The following NMT1 variants were observed in gnomAD, a reference collection of about 807,000 sequenced individuals.
NMT1 encodes the protein N-myristoyltransferase 1.
NMT1 carries 12 observed loss-of-function variants against 63.4 expected under a neutral mutation model. The observed-to-expected ratio is 0.19, with a 90% CI of 0.12 to 0.31. The LOEUF is 0.31. Ranked by LOEUF, NMT1 falls within the 10% of genes least tolerant of loss-of-function variation. The pLI, the probability that NMT1 is intolerant of heterozygous loss-of-function variation, is 1.00. For missense variants in NMT1, 432 were observed against 634.6 expected (o/e 0.68, Z 3.43); for synonymous variants, 228 against 234.3 (o/e 0.97, Z 0.25).
At chr17:45,099,748 A>T (rs1303854163) in intron 8 of NMT1, 1 of 533,294 alleles carries the variant, frequency 1.9e-6, no homozygotes, top group African/African-American at 1.9e-5. Context: ...CTTCTCTGCC[A>T]TCTGTTGAAA....
Position 45,102,989 on chromosome 17 carries a change from G to A in NMT1, c.1032G>A (p.Lys344=). 1 of 1,613,714 alleles carries A rather than the reference G, an allele frequency of 6.2e-7. No individual in the cohort carries two copies. The highest frequency in any genetic ancestry group is 8.5e-7 in the Non-Finnish European group (1 of 1,179,686). The change falls in exon 9 of 12, where the codon AAG becomes AAA. Residue 344 remains lysine (K), a synonymous_variant. Transcript: ENST00000258960. ...CTGGGCTGCGACCAATGGAAACAAAGGACATTCCAGTAGTGCACCAGCTCC... is the reference window on the plus strand; with the variant it reads ...CTGGGCTGCGACCAATGGAAACAAAAGACATTCCAGTAGTGCACCAGCTCC... The part of the protein sequence containing the change: ...KTAGLRPMET[K]DIPVVHQLLT...
intron 6 of NMT1, 29 bp from the exon 7 acceptor site, chr17:45,098,353 C>G: frequency 6.2e-7 from 1 of 1,606,080 alleles, no homozygotes. Flanking sequence ...TGTTAAAAAC[C>G]TTGTCACCTG....
intron 1 of NMT1, among the ~76,000 whole-genome samples, chr17:45,064,252 G>A (rs571341023): frequency 1.3e-5 from 2 of 152,302 alleles, no homozygotes; most frequent in East Asian, 3.9e-4. Flanking sequence ...AACTTTGACA[G>A]TTTGCAGTGG....
rs550664481 is a variant in NMT1 at position 45,070,518 on chromosome 17, C to T, written c.131+9058C>T. Among the ~76,000 whole-genome samples, 16 of 152,276 alleles carry T rather than the reference C, an allele frequency of 1.1e-4. No homozygotes were observed. In the South Asian group the frequency reaches 2.1e-3, roughly 20 times the overall value. On this transcript the variant is annotated intron_variant, in intron 1 of 11. Transcript: ENST00000258960. ...CTGCAAGCTGCGTCTCCCGGGCTCA[C>T]GCCATTCTCCTGCCTCAGCCTCCTG... is the stretch of plus-strand genomic sequence containing the variant.
rs1289033696 is a variant in NMT1 at position 45,107,943 on chromosome 17, G to A, written c.*2304G>A. Reference sequence around the variant, plus strand: ...CCAGGTGTGCAGGGTTTGGCTTGTGGGCTGCTTGCTGCTCATCTGATTTTT... The same window carrying A: ...CCAGGTGTGCAGGGTTTGGCTTGTGAGCTGCTTGCTGCTCATCTGATTTTT... On this transcript the variant is annotated 3_prime_UTR_variant, in exon 12 of 12. Coordinates refer to ENST00000258960, the MANE Select transcript of NMT1 (RefSeq NM_021079.5). 6.6e-6 allele frequency: 1 copy of A among 152,316 alleles called. No homozygotes were observed. The highest frequency in any genetic ancestry group is 1.5e-5 in the Non-Finnish European group (1 of 68,096). The allele number at this position is 152,316 out of a possible 1,614,324, so 9.4% of individuals were successfully genotyped here.
chr17:45,068,993 C>T (rs893172810), intron 1 of NMT1, among the ~76,000 whole-genome samples: 16 of 149,348 alleles, frequency 1.1e-4, no homozygotes, highest in Non-Finnish European at 2.2e-4. Context: ...CAGAGTCTCA[C>T]TCTGTCGCCC....
chr17:45,108,750 C>G lies in NMT1; in HGVS notation c.*3111C>G, dbSNP rs75772115. The G allele has an allele frequency of 6.6e-6, 1 of 152,176 alleles. No individual in the cohort carries two copies. Among genetic ancestry groups the G allele is most frequent in the African/African-American group, 2.4e-5 (1 of 41,400 alleles). 9.4% of individuals were successfully genotyped at this position (152,176 alleles called of 1,614,324 possible). A position where few individuals can be genotyped will look rare whatever the true frequency, so the allele number is the denominator to read the frequency against. ...CTGAGGCTTCAGTTTTACTCTGCTGCAAAATGAAGGCGGGCCTGCAAGCCG... is the reference window on the plus strand; with the variant it reads ...CTGAGGCTTCAGTTTTACTCTGCTGGAAAATGAAGGCGGGCCTGCAAGCCG... On this transcript the variant is annotated 3_prime_UTR_variant, in exon 12 of 12. Coordinates refer to ENST00000258960, the MANE Select transcript of NMT1 (RefSeq NM_021079.5).
intron 1 of NMT1, among the ~76,000 whole-genome samples, chr17:45,070,069 T>G (rs1014264677): frequency 2.6e-5 from 4 of 152,132 alleles, no homozygotes; most frequent in African/African-American, 9.7e-5. Flanking sequence ...TTTAAGGAGT[T>G]TAGTATACCA....
rs1323242146 is a variant in NMT1 at position 45,103,589 on chromosome 17, T to C, written c.1165-120T>C. On this transcript the variant is annotated intron_variant, in intron 9 of 11. Coordinates refer to ENST00000258960, the MANE Select transcript of NMT1 (RefSeq NM_021079.5). The surrounding 1 kb of genome is among the most constrained non-coding windows in gnomAD (Gnocchi z 4.8). ...CCTCCCCACATGTCCTGTTGCAGTT[T>C]CCAGCCATTTATCTAGAGGGGCAGA... 8 of 1,018,534 alleles carry C rather than the reference T, an allele frequency of 7.9e-6. No individual in the cohort carries two copies. Among genetic ancestry groups the C allele is most frequent in the South Asian group, 6.1e-5 (4 of 65,076 alleles). The allele number at this position is 1,018,534 out of a possible 1,614,324, so 63.1% of individuals were successfully genotyped here. A position where few individuals can be genotyped will look rare whatever the true frequency, so the allele number is the denominator to read the frequency against.
intron 2 of NMT1, among the ~76,000 whole-genome samples, chr17:45,083,085 G>A (rs2054026986): frequency 6.6e-6 from 1 of 151,940 alleles, no homozygotes; most frequent in Admixed American, 6.6e-5. Context: ...GGGAGGCCAA[G>A]GCGGGTGGAT....
intron 3 of NMT1, among the ~76,000 whole-genome samples, chr17:45,091,823 TGAGAC>T (rs1360614433): frequency 1.3e-5 from 2 of 152,262 alleles, no homozygotes; most frequent in East Asian, 3.9e-4. Flanking sequence ...TCTAGGAGTT[TGAGAC>T]CAGCCTGGGC....
chr17:45,088,661 G>A (rs146731472), intron 3 of NMT1, among the ~76,000 whole-genome samples: 158 of 152,254 alleles, frequency 1.0e-3, no homozygotes, highest in African/African-American at 3.6e-3. Flanking sequence ...GTCTGAGGTG[G>A]GAGAATCACT....
At chr17:45,084,823 T>C (rs1427791692) in intron 2 of NMT1, among the ~76,000 whole-genome samples, 1 of 152,124 alleles carries the variant, frequency 6.6e-6, no homozygotes, top group African/African-American at 2.4e-5. Context: ...CACTGTTCGT[T>C]GGATTACTGA....
At chr17:45,074,263 G>A (rs903333456) in intron 1 of NMT1, among the ~76,000 whole-genome samples, 6 of 148,942 alleles carry the variant, frequency 4.0e-5, no homozygotes, top group African/African-American at 7.5e-5. Flanking sequence ...CGCCCAGGCC[G>A]GAGTGCAGTG....
In NMT1 at chr17:45,105,414, G is replaced by A. The variant is rs754537204; in HGVS notation, c.1471-205G>A. ...AGGGGACATAGGGGTGAGCTGGAGC[G>A]TGGGCCAGTTTTCCCTGGGAGGTCT... On this transcript the variant is annotated intron_variant, in intron 11 of 11. Coordinates refer to ENST00000258960, the MANE Select transcript of NMT1 (RefSeq NM_021079.5). This position sits in a 1 kb window ranked among gnomAD's most constrained non-coding sequence, Gnocchi z 4.2. 2.0e-4 allele frequency among the ~76,000 whole-genome samples: 31 copies of A among 152,160 alleles called. No homozygotes were observed. The highest frequency in any genetic ancestry group is 3.8e-4 in the Non-Finnish European group (26 of 68,034).
intron 1 of NMT1, among the ~76,000 whole-genome samples, chr17:45,080,009 G>T (rs1781482405): frequency 6.6e-6 from 1 of 151,806 alleles, no homozygotes; most frequent in Non-Finnish European, 1.5e-5. Flanking sequence ...CATGTTTCTT[G>T]TAATCTCTCC....
In NMT1 at chr17:45,103,236, T is replaced by G. The variant is rs2054179683; in HGVS notation, c.1164+115T>G. On this transcript the variant is annotated intron_variant, in intron 9 of 11. Coordinates refer to ENST00000258960, the MANE Select transcript of NMT1 (RefSeq NM_021079.5). The surrounding 1 kb of genome is among the most constrained non-coding windows in gnomAD (Gnocchi z 4.8). ...CACCTTAGACTTCCTTGACCATCCG[T>G]GTTTGGTCCTCCCTAAAAACAGGGA... is the stretch of plus-strand genomic sequence containing the variant. 3 of 997,952 alleles carry G rather than the reference T, an allele frequency of 3.0e-6. No homozygotes were observed. Among genetic ancestry groups the G allele is most frequent in the Admixed American group, 4.5e-5 (2 of 44,472 alleles). The allele number at this position is 997,952 out of a possible 1,614,324, so 61.8% of individuals were successfully genotyped here. A position where few individuals can be genotyped will look rare whatever the true frequency, so the allele number is the denominator to read the frequency against.
chr17:45,071,174 G>T (rs1289495127), intron 1 of NMT1, among the ~76,000 whole-genome samples: 1 of 152,142 alleles, frequency 6.6e-6, no homozygotes, highest in Admixed American at 6.6e-5. Context: ...GAATCAAAAG[G>T]ATATTAGAGG....
chr17:45,071,790 G>A (rs2053940800), intron 1 of NMT1, among the ~76,000 whole-genome samples: 1 of 152,132 alleles, frequency 6.6e-6, no homozygotes, highest in Non-Finnish European at 1.5e-5. Context: ...CTATTCACAA[G>A]CGTGGTCGTG....
Sources: gnomAD v4.1 joint callset for allele counts (sites outside exome capture counted in the v4.1 genomes callset) on GRCh38, gnomAD v4.1.1 for gene constraint, Gnocchi (gnomAD v3.1) non-coding constraint, MANE v1.5 for transcripts, NCBI Gene and HGNC (gene_info 2026-07-23, HGNC 2026-07-21) for gene names.